Variants in SLC67A1 observed in about 807,000 individuals in gnomAD.
SLC67A1 encodes solute carrier family 67 member A1.
At chr11:2,911,589 C>T in the SLC67A1 span, among the ~76,000 whole-genome samples, 1 of 152,124 alleles carries the variant, frequency 6.6e-6, no homozygotes, top group Non-Finnish European at 1.5e-5. Flanking sequence ...GCTGCCCACC[C>T]CCAGGTACTC....
the SLC67A1 span, chr11:2,903,341 C>A: frequency 3.3e-5 from 53 of 1,612,456 alleles, no homozygotes; most frequent in Admixed American, 6.7e-5. Context: ...CTGCGCCTGT[C>A]CAGGATGCAG....
the SLC67A1 span, chr11:2,916,718 T>C: frequency 3.7e-6 from 6 of 1,613,024 alleles, no homozygotes; most frequent in African/African-American, 1.3e-5. Context: ...GGGCCAAAAC[T>C]GACGCCCAGG....
At chr11:2,922,366 G>A in the SLC67A1 span, 1 of 1,579,994 alleles carries the variant, frequency 6.3e-7, no homozygotes, top group South Asian at 1.1e-5. Context: ...GGGAGGGACA[G>A]GTAAGACCCC....
chr11:2,907,416 G>A, the SLC67A1 span, among the ~76,000 whole-genome samples: 5 of 152,074 alleles, frequency 3.3e-5, no homozygotes, highest in Admixed American at 2.6e-4. This position sits in a 1 kb window ranked among gnomAD's most constrained non-coding sequence, Gnocchi z 6.7. Context: ...TTGGCTTGTG[G>A]CCACATCACT....
At chr11:2,908,094 G>T in the SLC67A1 span, 1 of 610,454 alleles carries the variant, frequency 1.6e-6, no homozygotes. Context: ...CCTGGGAAGG[G>T]CCCCTCGATG....
the SLC67A1 span, among the ~76,000 whole-genome samples, chr11:2,908,613 C>A: frequency 6.6e-5 from 10 of 152,166 alleles, no homozygotes; most frequent in African/African-American, 2.4e-4. Flanking sequence ...CCTGCCGAGA[C>A]CAGGCAGGAG....
At chr11:2,925,116 C>T in the SLC67A1 span, 1,104 of 1,613,910 alleles carry the variant, frequency 6.8e-4, 6 homozygotes, top group African/African-American at 0.013. The surrounding 1 kb of genome is among the most constrained non-coding windows in gnomAD (Gnocchi z 6.5). Flanking sequence ...TCTTCGGCCA[C>T]GTGCAGGTTG....
the SLC67A1 span, chr11:2,914,691 G>T: frequency 3.0e-6 from 3 of 985,226 alleles, no homozygotes; most frequent in Non-Finnish European, 3.6e-6. Flanking sequence ...TGCCTTGCTT[G>T]TCACCAGCCT....
chr11:2,908,087 G>A, the SLC67A1 span: 1 of 608,366 alleles, frequency 1.6e-6, no homozygotes, highest in Admixed American at 2.9e-5. Flanking sequence ...GGGTCCCCCT[G>A]GGAAGGGCCC....
chr11:2,920,396 A>G, the SLC67A1 span: 10 of 152,434 alleles, frequency 6.6e-5, no homozygotes, highest in South Asian at 2.1e-3. Flanking sequence ...GGCTGCGCCC[A>G]GCTCACTGCG....
the SLC67A1 span, chr11:2,922,477 C>G: frequency 3.1e-6 from 5 of 1,612,432 alleles, no homozygotes; most frequent in African/African-American, 6.7e-5. Context: ...TCCTGGTGCC[C>G]GGCCTGGTGT....
chr11:2,908,991 G>T, the SLC67A1 span, among the ~76,000 whole-genome samples: 54 of 152,250 alleles, frequency 3.5e-4, no homozygotes, highest in African/African-American at 1.3e-3. Context: ...CAGTGAAGCT[G>T]TCTGCGCACA....
the SLC67A1 span, chr11:2,919,741 C>A: frequency 2.9e-6 from 1 of 340,000 alleles, no homozygotes; most frequent in Non-Finnish European, 5.4e-6. Flanking sequence ...CTTGCAGGGT[C>A]CTTGGCAGAT....
chr11:2,911,865 G>A, the SLC67A1 span, among the ~76,000 whole-genome samples: 1 of 152,146 alleles, frequency 6.6e-6, no homozygotes, highest in African/African-American at 2.4e-5. Flanking sequence ...CACCACTCAT[G>A]TCCCTCTCCC....
the SLC67A1 span, among the ~76,000 whole-genome samples, chr11:2,904,865 G>A: frequency 2.0e-5 from 3 of 152,188 alleles, no homozygotes; most frequent in African/African-American, 4.8e-5. Context: ...AGAGTGGACC[G>A]GTTGAGGCCA....
the SLC67A1 span, among the ~76,000 whole-genome samples, chr11:2,923,230 T>C: frequency 0.016 from 2,424 of 152,254 alleles, 71 homozygotes; most frequent in African/African-American, 0.055. The surrounding 1 kb of genome is among the most constrained non-coding windows in gnomAD (Gnocchi z 6.5). Flanking sequence ...AGGAGTCCTT[T>C]GGAGTACTGG....
the SLC67A1 span, chr11:2,902,783 A>G: frequency 3.1e-6 from 3 of 976,848 alleles, no homozygotes; most frequent in African/African-American, 1.7e-5. Context: ...AGACCATTCC[A>G]GAAGCCCCTT....
chr11:2,908,866 A>C, the SLC67A1 span, among the ~76,000 whole-genome samples: 1 of 152,200 alleles, frequency 6.6e-6, no homozygotes, highest in Non-Finnish European at 1.5e-5. Flanking sequence ...CTGCTTTCTC[A>C]GACCCAACCT....
At chr11:2,922,130 T>G in the SLC67A1 span, 7 of 1,613,410 alleles carry the variant, frequency 4.3e-6, no homozygotes, top group Non-Finnish European at 5.9e-6. Context: ...ATCGGGCAGC[T>G]GAGCAGCCAC....
Sources: gnomAD v4.1 joint callset for allele counts (sites outside exome capture counted in the v4.1 genomes callset) on GRCh38, gnomAD v4.1.1 for gene constraint, Gnocchi (gnomAD v3.1) non-coding constraint, MANE v1.5 for transcripts, NCBI Gene and HGNC (gene_info 2026-07-23, HGNC 2026-07-21) for gene names.